Variants in DENND1A observed in about 807,000 individuals in gnomAD.
The protein encoded by DENND1A is DENN domain containing 1A.
DENND1A carries 51 observed loss-of-function variants against 113.7 expected under a neutral mutation model. The ratio of observed to expected loss-of-function variants is 0.45; its 90% CI spans 0.36 to 0.57. The LOEUF (loss-of-function observed/expected upper bound fraction) is 0.57, where lower values mean the gene tolerates loss of function less well. DENND1A is among the 20% of genes least tolerant of loss of function. The pLI is 0.00. For missense variants in DENND1A, 1,258 were observed against 1,395.9 expected (o/e 0.90, Z 1.57); for synonymous variants, 565 against 570.8 (o/e 0.99, Z 0.14).
chr9:123,577,433 G>A (rs924829317), intron 12 of DENND1A, among the ~76,000 whole-genome samples: 2 of 151,918 alleles, frequency 1.3e-5, no homozygotes, highest in Admixed American at 6.6e-5. Context: ...TTATCTGCTA[G>A]TTCTATCATA....
intron 12 of DENND1A, among the ~76,000 whole-genome samples, chr9:123,568,408 G>T (rs1282728631): frequency 1.3e-5 from 2 of 152,230 alleles, no homozygotes; most frequent in African/African-American, 4.8e-5. Context: ...CTGGCACACT[G>T]TAGGGGCCTA....
rs117580840 is a variant in DENND1A, at chr9:123,595,838, C to T, written c.766-12568G>A. On this transcript the variant is annotated intron_variant, in intron 11 of 23. Transcript: ENST00000394215. ...CCCCCCTCTGGGAGCTGGGTTCTGCCAGTCCTCCTAGCAATCCACTCTAGA... is the reference window on the plus strand; with the variant it reads ...CCCCCCTCTGGGAGCTGGGTTCTGCTAGTCCTCCTAGCAATCCACTCTAGA... Among the ~76,000 whole-genome samples, 1,138 of 152,254 alleles carry T rather than the reference C, an allele frequency of 7.5e-3. 19 individuals are homozygous for T. Among genetic ancestry groups the T allele is most frequent in the Non-Finnish European group, 7.5e-3 (507 of 68,002 alleles).
intron 12 of DENND1A, among the ~76,000 whole-genome samples, chr9:123,571,861 T>A (rs1461101979): frequency 6.6e-6 from 1 of 152,180 alleles, no homozygotes; most frequent in Non-Finnish European, 1.5e-5. Flanking sequence ...TTTAACTTCA[T>A]GAGATATTGA....
chr9:123,700,268 C>T (rs1348303730), intron 5 of DENND1A, among the ~76,000 whole-genome samples: 1 of 152,176 alleles, frequency 6.6e-6, no homozygotes, highest in East Asian at 1.9e-4. Context: ...AATCAGCTTG[C>T]CCAATTCTGA....
chr9:123,647,165 TA>T (rs147028977), intron 9 of DENND1A, among the ~76,000 whole-genome samples: 226 of 152,178 alleles, frequency 1.5e-3, no homozygotes, highest in African/African-American at 5.2e-3. Context: ...TTTAGGCCTC[TA>T]AAAAATTTTG....
At chr9:123,620,075 G>A (rs914853001) in intron 10 of DENND1A, among the ~76,000 whole-genome samples, 4 of 151,840 alleles carry the variant, frequency 2.6e-5, no homozygotes, top group Non-Finnish European at 4.4e-5. Flanking sequence ...TTAGCTGGGT[G>A]TGGTGGCGCA....
At chr9:123,619,680 G>A (rs1198492971) in intron 10 of DENND1A, among the ~76,000 whole-genome samples, 1 of 152,144 alleles carries the variant, frequency 6.6e-6, no homozygotes, top group Non-Finnish European at 1.5e-5. Context: ...ACCTCCCAAA[G>A]TGCTGGCATT....
intron 21 of DENND1A, among the ~76,000 whole-genome samples, chr9:123,397,233 C>T (rs1025861278): frequency 1.3e-5 from 2 of 152,154 alleles, no homozygotes; most frequent in African/African-American, 4.8e-5. Context: ...CTGTTCCCTG[C>T]AAACTCTGCC....
At chr9:123,643,853 T>G (rs2062158158) in intron 9 of DENND1A, among the ~76,000 whole-genome samples, 1 of 152,230 alleles carries the variant, frequency 6.6e-6, no homozygotes, top group Non-Finnish European at 1.5e-5. Context: ...CAGACAGGGC[T>G]TGCCGAATCT....
intron 5 of DENND1A, among the ~76,000 whole-genome samples, chr9:123,697,102 G>A (rs567289263): frequency 9.9e-5 from 15 of 152,190 alleles, no homozygotes; most frequent in South Asian, 2.1e-4. Context: ...GTGAAGATCC[G>A]CTTGCAGAAT....
In DENND1A at chr9:123,926,393, A is replaced by C. The variant is rs889109849; in HGVS notation, c.17+3496T>G. Among the ~76,000 whole-genome samples the C allele has an allele frequency of 3.3e-5, 5 of 151,960 alleles. No individual in the cohort carries two copies. In the South Asian group the frequency reaches 1.0e-3, roughly 32 times the overall value. On this transcript the variant is annotated intron_variant, in intron 1 of 23. Transcript: ENST00000394215. ...GACCAGCCTGACCAACACGGGAGAA[A>C]CCCGTCTCTACCAAATAAAGAAAAT...
At chr9:123,803,957 A>G (rs2132287056) in intron 2 of DENND1A, among the ~76,000 whole-genome samples, 1 of 152,208 alleles carries the variant, frequency 6.6e-6, no homozygotes, top group South Asian at 2.1e-4. Flanking sequence ...ATCAATTATC[A>G]ATCTTTAGTC....
intron 1 of DENND1A, among the ~76,000 whole-genome samples, chr9:123,905,667 T>A (rs1205830353): frequency 6.6e-6 from 1 of 151,018 alleles, no homozygotes; most frequent in Non-Finnish European, 1.5e-5. Context: ...CTATCCTAAA[T>A]ATATATGCAC....
At position 123,711,523 on chromosome 9, in the gene DENND1A, A is replaced by ATATATG. The variant is rs1564998478; in HGVS notation, c.303-34735_303-34734insCATATA. Among the ~76,000 whole-genome samples the ATATATG allele has an allele frequency of 3.9e-4, 56 of 143,462 alleles. No individual in the cohort carries two copies. The East Asian group carries it at 7.3e-3, about 19-fold the overall frequency. 94.1% of individuals were successfully genotyped at this position (143,462 alleles called of 152,430 possible). On this transcript the variant is annotated intron_variant, in intron 5 of 23. Coordinates refer to ENST00000394215, the MANE Select transcript of DENND1A (RefSeq NM_001352964.2). Reference sequence around the variant, plus strand: ...TATATATGTATATATGTATATATATATATATATATATATATAAATTCAACA... The same window carrying ATATATG: ...TATATATGTATATATGTATATATATATATATGTATATATATATATATAAATTCAACA...
At chr9:123,494,304 C>G (rs2051661950) in intron 13 of DENND1A, among the ~76,000 whole-genome samples, 1 of 152,194 alleles carries the variant, frequency 6.6e-6, no homozygotes, top group Non-Finnish European at 1.5e-5. Context: ...CTGAGTTTAA[C>G]TCCTGGTTTT....
intron 13 of DENND1A, among the ~76,000 whole-genome samples, chr9:123,513,923 A>C (rs557150981): frequency 6.6e-6 from 1 of 152,216 alleles, no homozygotes; most frequent in Non-Finnish European, 1.5e-5. Flanking sequence ...CCTGCCCAAC[A>C]TGGATCCCCA....
At chr9:123,552,018 C>CGAGAGAGAGA (rs10657747) in intron 13 of DENND1A, among the ~76,000 whole-genome samples, 6 of 118,654 alleles carry the variant, frequency 5.1e-5, no homozygotes, top group African/African-American at 9.7e-5. Flanking sequence ...AGAGCGAGAG[C>CGAGAGAGAGA]GAGAGAGAGA....
intron 5 of DENND1A, among the ~76,000 whole-genome samples, chr9:123,695,611 G>A (rs2065464313): frequency 6.6e-6 from 1 of 152,094 alleles, no homozygotes; most frequent in Non-Finnish European, 1.5e-5. Flanking sequence ...GGGCTAACAG[G>A]CGATTCTGAT....
chr9:123,757,637 G>A, intron 5 of DENND1A, 66 bp downstream of exon 5: 1 of 1,579,592 alleles, frequency 6.3e-7, no homozygotes, highest in Non-Finnish European at 8.6e-7. Flanking sequence ...TTTAATTACG[G>A]AAGAGCAATG....
Sources: allele counts gnomAD v4.1 joint callset (sites outside exome capture counted in the v4.1 genomes callset), GRCh38; gene constraint gnomAD v4.1.1; transcripts MANE v1.5; gene names NCBI Gene and HGNC (gene_info 2026-07-23, HGNC 2026-07-21).